DORIP1: variants seen among roughly 807,000 people sequenced by gnomAD.
The protein encoded by DORIP1 is dopamine receptor interacting protein 1.
the DORIP1 span, among the ~76,000 whole-genome samples, chr14:44,899,989 G>A: frequency 6.6e-6 from 1 of 151,846 alleles, no homozygotes; most frequent in Non-Finnish European, 1.5e-5. Flanking sequence ...GCGCCACCAC[G>A]CCCAGCTAAT....
the DORIP1 span, chr14:44,903,779 G>A: frequency 2.1e-6 from 2 of 969,622 alleles, no homozygotes; most frequent in Non-Finnish European, 2.5e-6. Flanking sequence ...GTAAAAATAT[G>A]TTCTGTTAAT....
At chr14:44,903,146 A>G in the DORIP1 span, 2 of 1,217,436 alleles carry the variant, frequency 1.6e-6, no homozygotes, top group South Asian at 2.5e-5. Flanking sequence ...AAAATTTGTT[A>G]TAATATATTA....
the DORIP1 span, among the ~76,000 whole-genome samples, chr14:44,902,791 A>T: frequency 6.6e-6 from 1 of 152,112 alleles, no homozygotes; most frequent in Admixed American, 6.5e-5. Flanking sequence ...CAACCTCTGA[A>T]GTAATGTAGA....
chr14:44,903,190 T>C, the DORIP1 span: 2 of 1,559,380 alleles, frequency 1.3e-6, no homozygotes, highest in Non-Finnish European at 8.8e-7. Flanking sequence ...CTTACATGCA[T>C]TTAATAATTA....
At chr14:44,900,609 C>T in the DORIP1 span, 34 of 1,609,802 alleles carry the variant, frequency 2.1e-5, no homozygotes, top group Non-Finnish European at 2.8e-5. Flanking sequence ...ATACCTGCAC[C>T]ATAGATGGAT....
the DORIP1 span, chr14:44,904,962 A>G: frequency 5.9e-6 from 1 of 170,466 alleles, no homozygotes; most frequent in African/African-American, 2.4e-5. Flanking sequence ...TGCCTGACAC[A>G]TACTGGCTAA....
chr14:44,903,457 T>TAC, the DORIP1 span: 2 of 1,321,876 alleles, frequency 1.5e-6, no homozygotes, highest in Middle Eastern at 5.2e-4. Flanking sequence ...TAGAATATGG[T>TAC]ACTACAGCTG....
the DORIP1 span, among the ~76,000 whole-genome samples, chr14:44,898,019 T>G: frequency 6.6e-6 from 1 of 152,150 alleles, no homozygotes; most frequent in Non-Finnish European, 1.5e-5. Flanking sequence ...TTTCCTCCCT[T>G]GGAAGTCACC....
the DORIP1 span, chr14:44,903,793 A>G: frequency 1.0e-6 from 1 of 976,194 alleles, no homozygotes; most frequent in Non-Finnish European, 1.2e-6. Flanking sequence ...TGTTAATTGT[A>G]CCTATTAAGT....
At chr14:44,904,494 G>C in the DORIP1 span, 4 of 1,610,968 alleles carry the variant, frequency 2.5e-6, no homozygotes, top group East Asian at 2.2e-5. Context: ...AAGATCTGGC[G>C]TATGTACCCT....
chr14:44,902,364 A>G, the DORIP1 span, among the ~76,000 whole-genome samples: 1 of 151,976 alleles, frequency 6.6e-6, no homozygotes, highest in Non-Finnish European at 1.5e-5. Context: ...GTCTCACTCC[A>G]TCTCCCAGGC....
the DORIP1 span, chr14:44,901,038 A>G: frequency 1.4e-6 from 2 of 1,421,458 alleles, no homozygotes. Flanking sequence ...CGTGTACCCC[A>G]TAATGACATT....
chr14:44,904,149 C>A, the DORIP1 span: 1 of 985,184 alleles, frequency 1.0e-6, no homozygotes, highest in South Asian at 4.7e-5. Context: ...TAGGCTTATA[C>A]AGAAATAGCC....
chr14:44,905,064 T>C, the DORIP1 span: 1 of 218,394 alleles, frequency 4.6e-6, no homozygotes. Flanking sequence ...AATAAAAATA[T>C]CTGCATACAA....
the DORIP1 span, chr14:44,905,255 G>A: frequency 4.5e-6 from 3 of 664,614 alleles, no homozygotes; most frequent in Non-Finnish European, 7.0e-6. Flanking sequence ...TCTTTTTCAG[G>A]GAACAGAATA....
chr14:44,901,044 A>G, the DORIP1 span: 1 of 1,372,908 alleles, frequency 7.3e-7, no homozygotes, highest in Non-Finnish European at 9.9e-7. Flanking sequence ...CCCCATAATG[A>G]CATTTGGGTC....
the DORIP1 span, among the ~76,000 whole-genome samples, chr14:44,898,217 C>CA: frequency 6.6e-6 from 1 of 152,174 alleles, no homozygotes; most frequent in African/African-American, 2.4e-5. Context: ...ATCTTTCCAT[C>CA]ATTTTTCCCC....
chr14:44,903,762 A>C, the DORIP1 span: 1 of 968,054 alleles, frequency 1.0e-6, no homozygotes, highest in Non-Finnish European at 1.2e-6. Context: ...TAATTACAAA[A>C]GGAAAGGTAA....
At chr14:44,905,970 G>C in the DORIP1 span, 3 of 149,820 alleles carry the variant, frequency 2.0e-5, no homozygotes, top group Admixed American at 6.8e-5. Context: ...AAATATATCT[G>C]ACTGTATTTC....
Sources: allele counts gnomAD v4.1 joint callset (sites outside exome capture counted in the v4.1 genomes callset), GRCh38; gene constraint gnomAD v4.1.1; transcripts MANE v1.5; gene names NCBI Gene and HGNC (gene_info 2026-07-23, HGNC 2026-07-21).